GPR161: variants seen among roughly 807,000 people sequenced by gnomAD.
GPR161 encodes G-protein coupled receptor RE2.
Under a neutral mutation model 39.2 loss-of-function variants are expected in GPR161, and 25 were observed. That is an observed-to-expected ratio of 0.64 (90% CI 0.47 to 0.89). The LOEUF is 0.89. Ranked by LOEUF, GPR161 falls within the 40% of genes least tolerant of loss-of-function variation. The pLI is 0.00. For synonymous variants in GPR161, 286 were observed against 276.6 expected, an observed-to-expected ratio of 1.03 and a Z score of -0.34; for missense variants, 547 against 677.8, an observed-to-expected ratio of 0.81 and a Z score of 2.14.
In GPR161 at chr1:168,085,654, A is replaced by G. The variant is rs751881848; in HGVS notation, c.1467T>C (p.Val489=). The part of the protein sequence containing the change: ...FGEEALPGVL[V]TARTVPGGGF... ...CGCCCCCCGGGACAGTCCGTGCTGT[A>G]ACCAAGACCCCTGGCAAAGCCTCCT... Residue 489 remains valine (V), a synonymous_variant, in exon 6 of 6, where the codon GTT becomes GTC. Coordinates refer to ENST00000682931, the MANE Select transcript of GPR161 (RefSeq NM_001375883.1). 20 of 1,614,188 alleles carry G rather than the reference A, an allele frequency of 1.2e-5. No homozygotes were observed. In the South Asian group the frequency reaches 2.2e-4, roughly 18 times the overall value.
intron 1 of GPR161, among the ~76,000 whole-genome samples, chr1:168,124,417 C>T (rs991372689): frequency 6.6e-6 from 1 of 152,138 alleles, no homozygotes; most frequent in Non-Finnish European, 1.5e-5. Flanking sequence ...AAATCTATCA[C>T]ACATTTTTCT....
chr1:168,104,765 G>T lies in GPR161; in HGVS notation c.86C>A (p.Thr29Asn), dbSNP rs780880492. The T allele has an allele frequency of 6.2e-7, 1 of 1,614,130 alleles. No individual in the cohort carries two copies. The highest frequency in any genetic ancestry group is 8.5e-7 in the Non-Finnish European group (1 of 1,179,976). Residue 29 changes from threonine to asparagine, a missense_variant, in exon 2 of 6, where the codon ACC (threonine) becomes AAC (asparagine). Coordinates refer to ENST00000682931, the MANE Select transcript of GPR161 (RefSeq NM_001375883.1). ...GATGACAATGATGGCGATGAACTGG[G>T]TGATGATGACGCCCCCTTCGCCACC... Reference protein sequence around the residue: ...EEGGEGGVIITQFIAIIVITI... With the variant: ...EEGGEGGVIINQFIAIIVITI...
chr1:168,107,095 A>G (rs972964748), intron 1 of GPR161, among the ~76,000 whole-genome samples: 2 of 152,190 alleles, frequency 1.3e-5, no homozygotes, highest in African/African-American at 4.8e-5. Context: ...TTGAAATTAT[A>G]AAAAAAGAAA....
At chr1:168,097,895 G>A (rs555018917) in intron 2 of GPR161, among the ~76,000 whole-genome samples, 1 of 152,180 alleles carries the variant, frequency 6.6e-6, no homozygotes, top group Non-Finnish European at 1.5e-5. Flanking sequence ...AGACCCATGG[G>A]AGAAAGACAG....
intron 4 of GPR161, chr1:168,088,779 T>G (rs1694785020): frequency 6.6e-6 from 1 of 152,238 alleles, no homozygotes; most frequent in Non-Finnish European, 1.5e-5. Flanking sequence ...ACCAGATCTG[T>G]GTGCCCCGAA....
At chr1:168,136,626 C>G (rs576357121) in intron 1 of GPR161, 113 bp downstream of exon 1, 2 of 1,223,862 alleles carry the variant, frequency 1.6e-6, no homozygotes, top group South Asian at 8.1e-5. Flanking sequence ...GGGCGGGGAC[C>G]CTTCCCGGCC....
chr1:168,120,724 G>A (rs1698099422), intron 1 of GPR161, among the ~76,000 whole-genome samples: 1 of 152,060 alleles, frequency 6.6e-6, no homozygotes, highest in Non-Finnish European at 1.5e-5. Flanking sequence ...CGTGATAGTG[G>A]GGGAGTTCTC....
At chr1:168,130,437 A>G (rs1698904252) in intron 1 of GPR161, among the ~76,000 whole-genome samples, 1 of 152,216 alleles carries the variant, frequency 6.6e-6, no homozygotes, top group Non-Finnish European at 1.5e-5. Flanking sequence ...CACCACACAG[A>G]ACCTTAGCAT....
intron 1 of GPR161, among the ~76,000 whole-genome samples, chr1:168,116,271 C>A (rs1410054636): frequency 6.6e-6 from 1 of 152,176 alleles, no homozygotes; most frequent in Non-Finnish European, 1.5e-5. Flanking sequence ...CAGCTGCCCT[C>A]TTCTAAAGAA....
At chr1:168,126,706 G>C (rs1698620259) in intron 1 of GPR161, among the ~76,000 whole-genome samples, 1 of 152,112 alleles carries the variant, frequency 6.6e-6, no homozygotes, top group Non-Finnish European at 1.5e-5. Flanking sequence ...CGCCCACCAT[G>C]GCTGCTCAAA....
intron 1 of GPR161, among the ~76,000 whole-genome samples, chr1:168,117,668 A>T (rs1176012537): frequency 6.6e-6 from 1 of 152,224 alleles, no homozygotes. Flanking sequence ...TCAGAAAGGT[A>T]AGTGACTAGT....
Position 168,097,205 on chromosome 1 carries a change from C to T in GPR161, c.402G>A (p.Val134=), listed in dbSNP as rs1572273595. The change falls in exon 3 of 6, where the codon GTG becomes GTA. Residue 134 remains valine (V), a synonymous_variant. Transcript: ENST00000682931. ...GGTTCCCTGTGATCTTCATGGGGTACACCATGGGGTACAGGACAGCATAGT... is the reference window on the plus strand; with the variant it reads ...GGTTCCCTGTGATCTTCATGGGGTATACCATGGGGTACAGGACAGCATAGT... The part of the protein sequence containing the change: ...DRYYAVLYPM[V]YPMKITGNRA... The T allele has an allele frequency of 6.2e-7, 1 of 1,613,672 alleles. No individual in the cohort carries two copies. The highest frequency in any genetic ancestry group is 8.5e-7 in the Non-Finnish European group (1 of 1,179,898).
intron 2 of GPR161, among the ~76,000 whole-genome samples, chr1:168,099,278 T>G (rs1695858841): frequency 6.6e-6 from 1 of 152,004 alleles, no homozygotes; most frequent in Non-Finnish European, 1.5e-5. Context: ...TGTGAGGGGG[T>G]TGCTAGGGGA....
rs779623562 is a variant in GPR161 at position 168,084,200 on chromosome 1, C to T, written c.*1331G>A. ...TGCATCTTGGTGGCTGGCATTCTAT[C>T]CAGATTGTGCTCTAATGGACAGGGC... On this transcript the variant is annotated 3_prime_UTR_variant, in exon 6 of 6. Transcript: ENST00000682931. The T allele has an allele frequency of 5.1e-5, 8 of 155,786 alleles. No homozygotes were observed. The South Asian group carries it at 5.9e-4, about 11-fold the overall frequency. The allele number at this position is 155,786 out of a possible 1,614,324, so 9.7% of individuals were successfully genotyped here. A position where few individuals can be genotyped will look rare whatever the true frequency, so the allele number is the denominator to read the frequency against.
intron 1 of GPR161, among the ~76,000 whole-genome samples, chr1:168,110,601 C>A (rs1697084666): frequency 7.5e-6 from 1 of 133,948 alleles, no homozygotes; most frequent in African/African-American, 2.8e-5. Context: ...AGAAAAGAGA[C>A]AATAAAACCA....
intron 1 of GPR161, among the ~76,000 whole-genome samples, chr1:168,125,306 A>C (rs1340601290): frequency 1.3e-5 from 2 of 152,218 alleles, no homozygotes; most frequent in Non-Finnish European, 2.9e-5. Context: ...GATTTGTTCC[A>C]GGAAACAAAG....
At chr1:168,093,707 T>C (rs1375956250) in intron 3 of GPR161, among the ~76,000 whole-genome samples, 2 of 152,210 alleles carry the variant, frequency 1.3e-5, no homozygotes, top group Non-Finnish European at 2.9e-5. Context: ...CAGAATCTGC[T>C]GCAGATCAAG....
In GPR161 at chr1:168,087,619, C is replaced by T. The variant is rs780844500; in HGVS notation, c.1290G>A (p.Ser430=). The T allele has an allele frequency of 2.4e-5, 38 of 1,614,106 alleles. 1 individual carries two copies. The highest frequency in any genetic ancestry group is 3.3e-4 in the Middle Eastern group (2 of 6,062). The part of the protein sequence containing the change: ...HCTCPPKRRS[S]VTFEDEVEQI... ...GTTCCACTTCATCCTCAAATGTCAC[C>T]GAGCTCCTTCTCTTGGGTGGGCAAG... The change falls in exon 5 of 6, where the codon TCG becomes TCA. Residue 430 remains serine (S), a synonymous_variant. Transcript: ENST00000682931.
rs769469130 is a variant in GPR161, at chr1:168,096,677, T to A, written c.930A>T (p.Thr310=). The change falls in exon 3 of 6, where the codon ACA becomes ACT. Residue 310 remains threonine, a synonymous_variant. Coordinates refer to ENST00000682931, the MANE Select transcript of GPR161 (RefSeq NM_001375883.1). The stretch of plus-strand genomic sequence containing the variant: ...AGACAGCGCTGGCAAAGGACAGCCA[T>A]GTGGCCCAAGTCTCCAGGCTCGGGG... ...SVSPSLETWA[T]WLSFASAVCH... The A allele has an allele frequency of 3.1e-6, 5 of 1,614,012 alleles. No individual in the cohort carries two copies. The East Asian group carries it at 1.1e-4, about 36-fold the overall frequency.
Sources: allele counts gnomAD v4.1 joint callset (sites outside exome capture counted in the v4.1 genomes callset), GRCh38; gene constraint gnomAD v4.1.1; transcripts MANE v1.5; gene names NCBI Gene and HGNC (gene_info 2026-07-23, HGNC 2026-07-21).